The following RBFOX3 variants were observed in gnomAD, a reference collection of about 807,000 sequenced individuals.
The protein encoded by RBFOX3 is RNA binding fox-1 homolog 3, also known as RNA binding protein fox-1 homolog 3.
In RBFOX3, 17 loss-of-function variants were observed where a neutral mutation model predicts 48.7. The observed-to-expected ratio is 0.35, with a 90% CI of 0.24 to 0.52. The LOEUF (loss-of-function observed/expected upper bound fraction) is 0.52, where lower values mean the gene tolerates loss of function less well. Among genes scored for constraint, RBFOX3 ranks in the 20% least tolerant of loss-of-function variants. The pLI is 0.94. For missense variants in RBFOX3, 382 were observed against 497.5 expected (o/e 0.77, Z 2.21); for synonymous variants, 212 against 209.5 (o/e 1.01, Z -0.10).
chr17:79,473,154 TA>T lies in RBFOX3; in HGVS notation c.-175+9299del, dbSNP rs1415767968. On this transcript the variant is annotated intron_variant, in intron 2 of 14. Coordinates refer to ENST00000693108, the MANE Select transcript of RBFOX3 (RefSeq NM_001350451.2). The surrounding 1 kb of genome is among the most constrained non-coding windows in gnomAD (Gnocchi z 4.2). Reference sequence around the variant, plus strand: ...ACCTAAAACGACTCCTTCAAATGACTAAAAGATTCTAAATGCTTAATTTCAG... The same window carrying T: ...ACCTAAAACGACTCCTTCAAATGACTAAAGATTCTAAATGCTTAATTTCAG... Among the ~76,000 whole-genome samples, 3 of 152,222 alleles carry T rather than the reference TA, an allele frequency of 2.0e-5. No homozygotes were observed. The highest frequency in any genetic ancestry group is 4.4e-5 in the Non-Finnish European group (3 of 68,040).
intron 1 of RBFOX3, among the ~76,000 whole-genome samples, chr17:79,561,025 G>A (rs1044520497): frequency 5.5e-4 from 83 of 152,264 alleles, no homozygotes; most frequent in Non-Finnish European, 9.3e-4. Flanking sequence ...AGAGCTGGGG[G>A]CGCCTGGCCT....
intron 4 of RBFOX3, among the ~76,000 whole-genome samples, chr17:79,161,755 C>T (rs1038698450): frequency 1.6e-5 from 1 of 61,926 alleles, no homozygotes; most frequent in South Asian, 8.7e-4. Flanking sequence ...ACCATCACAC[C>T]CGGCTAATTT....
chr17:79,119,783 G>A (rs1307734275), intron 4 of RBFOX3, among the ~76,000 whole-genome samples: 1 of 152,182 alleles, frequency 6.6e-6, no homozygotes, highest in African/African-American at 2.4e-5. Context: ...TGCTGGTGTG[G>A]CTGTGGTCCT....
chr17:79,352,900 T>C (rs556022066), intron 2 of RBFOX3, among the ~76,000 whole-genome samples: 1 of 152,294 alleles, frequency 6.6e-6, no homozygotes, highest in South Asian at 2.1e-4. Flanking sequence ...GTTCTACTCA[T>C]TGACATTGAC....
intron 4 of RBFOX3, among the ~76,000 whole-genome samples, chr17:79,231,644 T>A (rs924283834): frequency 1.3e-5 from 2 of 152,174 alleles, no homozygotes; most frequent in Non-Finnish European, 2.9e-5. Context: ...TTTATTTCTA[T>A]ACGCTAGCAA....
chr17:79,563,285 C>A (rs945434233), intron 1 of RBFOX3, among the ~76,000 whole-genome samples: 7 of 151,946 alleles, frequency 4.6e-5, no homozygotes, highest in African/African-American at 1.7e-4. Context: ...AGAGGATGAA[C>A]AAGCCAGAGG....
At chr17:79,410,988 T>C (rs1199513034) in intron 2 of RBFOX3, among the ~76,000 whole-genome samples, 1 of 152,184 alleles carries the variant, frequency 6.6e-6, no homozygotes, top group Non-Finnish European at 1.5e-5. Context: ...TCTGGAGACC[T>C]GGGCTGAGTG....
chr17:79,369,855 C>T (rs1017588112), intron 2 of RBFOX3, among the ~76,000 whole-genome samples: 52 of 152,208 alleles, frequency 3.4e-4, no homozygotes, highest in African/African-American at 1.2e-3. Flanking sequence ...CTTGTCCCTC[C>T]TGTCCCCTCT....
intron 2 of RBFOX3, among the ~76,000 whole-genome samples, chr17:79,470,928 C>G (rs1461765704): frequency 6.6e-6 from 1 of 152,198 alleles, no homozygotes; most frequent in Non-Finnish European, 1.5e-5. Flanking sequence ...GTGTGCCTCT[C>G]TGTCATCCAA....
chr17:79,656,762 G>GA, the RBFOX3 span, among the ~76,000 whole-genome samples: 5 of 37,190 alleles, frequency 1.3e-4, no homozygotes, highest in Non-Finnish European at 2.4e-4. Context: ...AGGAAGGAAG[G>GA]AAGGAAGGAA....
intron 1 of RBFOX3, among the ~76,000 whole-genome samples, chr17:79,538,495 C>T (rs1158558153): frequency 6.6e-6 from 1 of 152,218 alleles, no homozygotes; most frequent in Non-Finnish European, 1.5e-5. Flanking sequence ...CTCGATGCCA[C>T]CTCCCTGCCA....
At chr17:79,191,699 C>A (rs1480238519) in intron 4 of RBFOX3, among the ~76,000 whole-genome samples, 3 of 152,170 alleles carry the variant, frequency 2.0e-5, no homozygotes, top group Non-Finnish European at 4.4e-5. Context: ...CTGAGCTTGT[C>A]CCAGGACTCA....
intron 1 of RBFOX3, among the ~76,000 whole-genome samples, chr17:79,586,233 A>C (rs1169189643): frequency 6.6e-6 from 1 of 152,172 alleles, no homozygotes; most frequent in Non-Finnish European, 1.5e-5. Flanking sequence ...GGCCTTGCTC[A>C]CTTCCATTTC....
At chr17:79,478,114 T>C (rs2078217644) in intron 2 of RBFOX3, among the ~76,000 whole-genome samples, 1 of 152,178 alleles carries the variant, frequency 6.6e-6, no homozygotes, top group Non-Finnish European at 1.5e-5. Context: ...TTCCCACGGC[T>C]CATGCGGGCA....
At chr17:79,231,044 G>A (rs941814455) in intron 4 of RBFOX3, among the ~76,000 whole-genome samples, 3 of 152,264 alleles carry the variant, frequency 2.0e-5, no homozygotes, top group Admixed American at 1.3e-4. Context: ...CTGCACAGTC[G>A]TCCCAGCTGA....
intron 4 of RBFOX3, among the ~76,000 whole-genome samples, chr17:79,160,189 T>C (rs2046687236): frequency 6.6e-6 from 1 of 152,106 alleles, no homozygotes; most frequent in Non-Finnish European, 1.5e-5. Flanking sequence ...GGAGGAAAAA[T>C]CCATGTGTGA....
At chr17:79,402,416 C>T (rs1598535666) in intron 2 of RBFOX3, among the ~76,000 whole-genome samples, 1 of 152,322 alleles carries the variant, frequency 6.6e-6, no homozygotes. Flanking sequence ...AGGCGGAAAA[C>T]TGGGAAACCT....
rs1053296955 is a variant in RBFOX3 at position 79,264,971 on chromosome 17, G to C, written c.-73-29166C>G. ...AGACCCTCAGTGCGAGAGGAGGGGG[G>C]GGGGGCGCAGATTTGTGGCGATCAT... On this transcript the variant is annotated intron_variant, in intron 3 of 14. Transcript: ENST00000693108. Among the ~76,000 whole-genome samples, 17 of 152,102 alleles carry C rather than the reference G, an allele frequency of 1.1e-4. No individual in the cohort carries two copies. In the South Asian group the frequency reaches 1.7e-3, roughly 15 times the overall value.
intron 4 of RBFOX3, among the ~76,000 whole-genome samples, chr17:79,141,989 C>T (rs1395726472): frequency 2.0e-5 from 3 of 152,110 alleles, no homozygotes; most frequent in Admixed American, 6.5e-5. Context: ...GGAGACGGGG[C>T]GGGGCCCAGG....
Sources: gnomAD v4.1 joint callset for allele counts (sites outside exome capture counted in the v4.1 genomes callset) on GRCh38, gnomAD v4.1.1 for gene constraint, Gnocchi (gnomAD v3.1) non-coding constraint, MANE v1.5 for transcripts, NCBI Gene and HGNC (gene_info 2026-07-23, HGNC 2026-07-21) for gene names.